NKAIN1: variants seen among roughly 807,000 people sequenced by gnomAD.
The protein encoded by NKAIN1 is sodium/potassium transporting ATPase interacting 1.
A neutral mutation model predicts 31.6 loss-of-function variants in NKAIN1; 13 were observed. The observed-to-expected ratio is 0.41, with a 90% CI of 0.27 to 0.65. The LOEUF (loss-of-function observed/expected upper bound fraction) is 0.65. Ranked by LOEUF, NKAIN1 falls within the 30% of genes least tolerant of loss-of-function variation. The probability of loss-of-function intolerance (pLI) is 0.30; values close to 1 mark genes in which losing one functional copy is unlikely to be tolerated. For synonymous variants in NKAIN1, 104 were observed against 109.0 expected, an observed-to-expected ratio of 0.95 and a Z score of 0.28; for missense variants, 193 against 262.2, an observed-to-expected ratio of 0.74 and a Z score of 1.82.
rs1026693554 is a variant in NKAIN1 at position 31,204,116 on chromosome 1, G to GTA, written c.55-15931_55-15930dup. Among the ~76,000 whole-genome samples, 39 of 152,220 alleles carry GTA rather than the reference G, an allele frequency of 2.6e-4. 1 individual carries two copies. The highest frequency in any genetic ancestry group is 2.3e-3 in the Admixed American group (35 of 15,272). Reference sequence around the variant, plus strand: ...AAGCTGGTCACATGATATGGAGAGGGTATGGACAGCTTGGAGGCCTGGGGT... The same window carrying GTA: ...AAGCTGGTCACATGATATGGAGAGGGTATATGGACAGCTTGGAGGCCTGGGGT... On this transcript the variant is annotated intron_variant, in intron 1 of 6. Transcript: ENST00000373736.
intron 1 of NKAIN1, among the ~76,000 whole-genome samples, chr1:31,231,507 T>C (rs1035599128): frequency 4.2e-5 from 6 of 143,166 alleles, no homozygotes; most frequent in African/African-American, 1.3e-4. Flanking sequence ...ATGAGTTCAA[T>C]TGTTTTTGTT....
chr1:31,215,736 G>C (rs1361356717), intron 1 of NKAIN1, among the ~76,000 whole-genome samples: 1 of 152,192 alleles, frequency 6.6e-6, no homozygotes, highest in Non-Finnish European at 1.5e-5. Flanking sequence ...GTTACCGCTG[G>C]AGCAGTAAGA....
In NKAIN1 at chr1:31,180,635, G is replaced by C. The variant is rs968318800; in HGVS notation, c.*1068C>G. On this transcript the variant is annotated 3_prime_UTR_variant, in exon 7 of 7. Coordinates refer to ENST00000373736, the MANE Select transcript of NKAIN1 (RefSeq NM_024522.3). The stretch of plus-strand genomic sequence containing the variant: ...GGTGAGGTGGATGGAGCCGTCAGGG[G>C]TGAGTGGAGTTGTGGAGGTGATGGG... 6.6e-6 allele frequency: 1 copy of C among 152,520 alleles called. No homozygotes were observed. The highest frequency in any genetic ancestry group is 2.1e-4 in the South Asian group (1 of 4,838). 9.4% of individuals were successfully genotyped at this position (152,520 alleles called of 1,614,324 possible).
In NKAIN1 at chr1:31,239,561, G is replaced by C. The variant is rs1191661187; in HGVS notation, c.-14C>G. 8.1e-7 allele frequency: 1 copy of C among 1,231,664 alleles called. No homozygotes were observed. The highest frequency in any genetic ancestry group is 1.0e-6 in the Non-Finnish European group (1 of 986,548). The allele number at this position is 1,231,664 out of a possible 1,614,324, so 76.3% of individuals were successfully genotyped here. On this transcript the variant is annotated 5_prime_UTR_variant, in exon 1 of 7. Transcript: ENST00000373736. The surrounding 1 kb of genome is among the most constrained non-coding windows in gnomAD (Gnocchi z 4.8). Reference sequence around the variant, plus strand: ...GCACTTGCCCATGGCTCCGGGGGCTGCGCGGGCCGCACGCCGCGGCGCCCT... The same window carrying C: ...GCACTTGCCCATGGCTCCGGGGGCTCCGCGGGCCGCACGCCGCGGCGCCCT...
chr1:31,229,384 A>T (rs544046139), intron 1 of NKAIN1, among the ~76,000 whole-genome samples: 1 of 151,910 alleles, frequency 6.6e-6, no homozygotes, highest in African/African-American at 2.4e-5. Context: ...CTACATGGGC[A>T]TCTGGGGTGG....
intron 4 of NKAIN1, 108 bp downstream of exon 4, chr1:31,183,709 A>G: frequency 8.3e-7 from 1 of 1,197,814 alleles, no homozygotes; most frequent in Non-Finnish European, 1.2e-6. Flanking sequence ...TGGCCTCCCA[A>G]AGTGCTGGGA....
rs375501994 is a variant in NKAIN1 at position 31,184,018 on chromosome 1, G to A, written c.274-4C>T. 953 of 1,612,790 alleles carry A rather than the reference G, an allele frequency of 5.9e-4. 3 individuals are homozygous for A. Among genetic ancestry groups the A allele is most frequent in the Middle Eastern group, 3.2e-3 (19 of 5,860 alleles). ...AGGTCATGATGAAGTCCCGGTCCTG[G>A]GGGCAAAGGGGCCTGGGATACTGAG... On this transcript the variant is annotated splice_region_variant and splice_polypyrimidine_tract_variant and intron_variant, in intron 3 of 6. Coordinates refer to ENST00000373736, the MANE Select transcript of NKAIN1 (RefSeq NM_024522.3).
chr1:31,227,678 G>C (rs553439161), intron 1 of NKAIN1, among the ~76,000 whole-genome samples: 4 of 152,340 alleles, frequency 2.6e-5, no homozygotes, highest in African/African-American at 9.6e-5. Flanking sequence ...GTTCACAGCA[G>C]AGCCAGGCCT....
intron 1 of NKAIN1, among the ~76,000 whole-genome samples, chr1:31,201,566 T>C (rs1329846775): frequency 3.9e-5 from 6 of 152,034 alleles, no homozygotes; most frequent in Non-Finnish European, 8.8e-5. Flanking sequence ...TTTCACCGTG[T>C]TAGCCAGGAT....
At chr1:31,196,288 T>C (rs12122727) in intron 1 of NKAIN1, among the ~76,000 whole-genome samples, 88,401 of 150,854 alleles carry the variant, frequency 0.59, 27,888 homozygotes, top group Middle Eastern at 0.79. Context: ...CCGAGGCGGG[T>C]GGATCACGAG....
rs1645204039 is a variant in NKAIN1, at chr1:31,181,943, T to G, written c.533-2A>C. On this transcript the variant is annotated splice_acceptor_variant, in intron 5 of 6. Transcript: ENST00000373736. LOFTEE classifies it high-confidence loss of function. ...AGTCAAAGCCGCCGATGAAGTCAACTGCGGAAGAGGGGCGGCGCATGTTAG... is the reference window on the plus strand; with the variant it reads ...AGTCAAAGCCGCCGATGAAGTCAACGGCGGAAGAGGGGCGGCGCATGTTAG... The G allele has an allele frequency of 1.2e-6, 2 of 1,605,816 alleles. No individual in the cohort carries two copies. Among genetic ancestry groups the G allele is most frequent in the Non-Finnish European group, 1.7e-6 (2 of 1,176,824 alleles).
In NKAIN1 at chr1:31,195,595, C is replaced by T. The variant is rs117159069; in HGVS notation, c.55-7408G>A. Among the ~76,000 whole-genome samples, 636 of 151,996 alleles carry T rather than the reference C, an allele frequency of 4.2e-3. 37 individuals carry two copies. In the East Asian group the frequency reaches 0.099, roughly 24 times the overall value. ...CTCCCCAGATCCTTCTCACTGGCTC[C>T]TAACAAGCTCAAAGCCTCTCCCATT... On this transcript the variant is annotated intron_variant, in intron 1 of 6. Coordinates refer to ENST00000373736, the MANE Select transcript of NKAIN1 (RefSeq NM_024522.3).
chr1:31,197,468 A>T lies in NKAIN1; in HGVS notation c.55-9281T>A, dbSNP rs144278718. Among the ~76,000 whole-genome samples the T allele has an allele frequency of 4.0e-3, 599 of 150,936 alleles. 33 individuals are homozygous for T. The East Asian group carries it at 0.099, about 25-fold the overall frequency. Reference sequence around the variant, plus strand: ...TCACCATGTTGGTCAGGTTGGTCTCAAACTCCTGACCTTGTGATTTGCCCG... The same window carrying T: ...TCACCATGTTGGTCAGGTTGGTCTCTAACTCCTGACCTTGTGATTTGCCCG... On this transcript the variant is annotated intron_variant, in intron 1 of 6. Transcript: ENST00000373736.
chr1:31,226,713 G>A (rs769225969), intron 1 of NKAIN1, among the ~76,000 whole-genome samples: 6 of 151,690 alleles, frequency 4.0e-5, no homozygotes, highest in East Asian at 1.9e-4. Context: ...TAGTAGAGAC[G>A]GGGTTTCACC....
intron 1 of NKAIN1, among the ~76,000 whole-genome samples, chr1:31,235,891 C>T (rs1645689434): frequency 6.6e-6 from 1 of 152,114 alleles, no homozygotes; most frequent in African/African-American, 2.4e-5. Context: ...AAGGACAGTC[C>T]ACAAAGGACA....
chr1:31,235,668 A>C (rs1645688273), intron 1 of NKAIN1, among the ~76,000 whole-genome samples: 1 of 152,206 alleles, frequency 6.6e-6, no homozygotes, highest in Non-Finnish European at 1.5e-5. Context: ...AAAACATGCC[A>C]GTCCAGGCAC....
At chr1:31,188,304 CA>C in intron 1 of NKAIN1, 117 bp from the exon 2 acceptor site, 1 of 1,084,594 alleles carries the variant, frequency 9.2e-7, no homozygotes. Context: ...GCATAAGCCT[CA>C]GAACAATCCA....
intron 1 of NKAIN1, among the ~76,000 whole-genome samples, chr1:31,194,880 T>C (rs892724969): frequency 1.4e-5 from 2 of 145,136 alleles, no homozygotes; most frequent in Admixed American, 1.4e-4. Context: ...CAAGCGATTC[T>C]CCTGTCTCAG....
At chr1:31,201,712 G>T (rs902108949) in intron 1 of NKAIN1, among the ~76,000 whole-genome samples, 21 of 152,154 alleles carry the variant, frequency 1.4e-4, no homozygotes, top group Non-Finnish European at 2.5e-4. Flanking sequence ...GCAGTGGCAG[G>T]CTTGCCTAAG....
Sources: allele counts gnomAD v4.1 joint callset (sites outside exome capture counted in the v4.1 genomes callset), GRCh38; gene constraint gnomAD v4.1.1; non-coding constraint Gnocchi (gnomAD v3.1); transcripts MANE v1.5; gene names NCBI Gene and HGNC (gene_info 2026-07-23, HGNC 2026-07-21).